CNKSR2: variants seen among roughly 807,000 people sequenced by gnomAD.
CNKSR2 encodes connector enhancer of kinase suppressor of Ras 2, also known as CNK homolog protein 2.
In CNKSR2, 14 loss-of-function variants were observed where a neutral mutation model predicts 84.4. The ratio of observed to expected loss-of-function variants is 0.17; its 90% CI spans 0.11 to 0.26. The LOEUF (loss-of-function observed/expected upper bound fraction) is 0.26, where lower values mean the gene tolerates loss of function less well. Among genes scored for constraint, CNKSR2 ranks in the 10% least tolerant of loss-of-function variants. The pLI is 1.00. For missense variants in CNKSR2, 485 were observed against 771.2 expected (o/e 0.63, Z 4.40); for synonymous variants, 275 against 277.9 (o/e 0.99, Z 0.10).
intron 3 of CNKSR2, among the ~76,000 whole-genome samples, chrX:21,438,397 C>T (rs1018906557): frequency 5.4e-5 from 6 of 110,949 alleles, no homozygotes; most frequent in Non-Finnish European, 5.7e-5. Context: ...AGCACATGAC[C>T]GTATATAGAA....
intron 5 of CNKSR2, among the ~76,000 whole-genome samples, chrX:21,471,590 T>G (rs2091199164): frequency 8.9e-6 from 1 of 112,580 alleles, no homozygotes. Context: ...AAGAATACTA[T>G]TTTGTATTTA....
chrX:21,481,345 ACT>A (rs2091317591), intron 5 of CNKSR2, among the ~76,000 whole-genome samples: 1 of 111,319 alleles, frequency 9.0e-6, no homozygotes, highest in Admixed American at 9.6e-5. Flanking sequence ...ACTATAGCTG[ACT>A]CTGTAGATGA....
At chrX:21,510,393 T>C (rs920923611) in intron 8 of CNKSR2, among the ~76,000 whole-genome samples, 6 of 111,722 alleles carry the variant, frequency 5.4e-5, no homozygotes, top group African/African-American at 1.9e-4. Flanking sequence ...CTTAAATTCT[T>C]ACCTTTATGT....
intron 20 of CNKSR2, among the ~76,000 whole-genome samples, chrX:21,631,765 A>G (rs1166348000): frequency 8.9e-6 from 1 of 112,341 alleles, no homozygotes. Context: ...AAAACTCATA[A>G]TTCTCACATT....
chrX:21,586,774 T>C (rs758550523), intron 13 of CNKSR2, among the ~76,000 whole-genome samples: 3 of 111,434 alleles, frequency 2.7e-5, no homozygotes, highest in African/African-American at 9.8e-5. Flanking sequence ...ACTCTATCGA[T>C]AAGATAAACT....
In CNKSR2 at chrX:21,558,677, T is replaced by G. The variant is rs184979100; in HGVS notation, c.1304-2794T>G. 5.4e-3 allele frequency among the ~76,000 whole-genome samples: 599 copies of G among 111,142 alleles called. 4 individuals carry two copies. The highest frequency in any genetic ancestry group is 0.019 in the African/African-American group (583 of 30,781). On this transcript the variant is annotated intron_variant, in intron 11 of 21. Coordinates refer to ENST00000379510, the MANE Select transcript of CNKSR2 (RefSeq NM_014927.5). ...ACATGCTTCAATGACTTAGCTCCAT[T>G]AAAATTTCAGAGATGACGCAAAATA... is the stretch of plus-strand genomic sequence containing the variant.
intron 5 of CNKSR2, among the ~76,000 whole-genome samples, chrX:21,487,715 G>T (rs12395602): frequency 0.26 from 29,375 of 111,291 alleles, 5,316 homozygotes; most frequent in African/African-American, 0.66. Context: ...GTCAAACATA[G>T]AATTTGAACC....
chrX:21,600,676 G>A (rs778952999), intron 17 of CNKSR2, among the ~76,000 whole-genome samples: 1 of 112,062 alleles, frequency 8.9e-6, no homozygotes, highest in South Asian at 3.7e-4. Flanking sequence ...ACTTACAATT[G>A]CTCATGAAAA....
chrX:21,376,992 G>T (rs2089827271), intron 1 of CNKSR2, among the ~76,000 whole-genome samples: 1 of 112,235 alleles, frequency 8.9e-6, no homozygotes, highest in Non-Finnish European at 1.9e-5. Context: ...CCTAAAATGT[G>T]GCTTCTTTGA....
chrX:21,447,711 GAGT>G (rs760703643), intron 4 of CNKSR2, among the ~76,000 whole-genome samples: 1 of 112,026 alleles, frequency 8.9e-6, no homozygotes, highest in Admixed American at 9.5e-5. Context: ...TTGGAAGCAG[GAGT>G]AGTCCCCATG....
intron 13 of CNKSR2, among the ~76,000 whole-genome samples, chrX:21,569,602 T>A (rs1420807437): frequency 8.9e-6 from 1 of 112,218 alleles, no homozygotes; most frequent in Non-Finnish European, 1.9e-5. Flanking sequence ...CCTCCTCCTG[T>A]GAATCACAAA....
chrX:21,570,802 A>G (rs2092278621), intron 13 of CNKSR2, among the ~76,000 whole-genome samples: 2 of 112,135 alleles, frequency 1.8e-5, no homozygotes, highest in Non-Finnish European at 1.9e-5. Context: ...GTAAAAACAG[A>G]CACAACATTT....
chrX:21,481,260 T>C (rs1007548128), intron 5 of CNKSR2, among the ~76,000 whole-genome samples: 1 of 111,907 alleles, frequency 8.9e-6, no homozygotes, highest in South Asian at 3.7e-4. Context: ...CACAAAAGGA[T>C]TAAACAACTT....
At chrX:21,546,607 A>C (rs1190802250) in intron 11 of CNKSR2, among the ~76,000 whole-genome samples, 1 of 110,875 alleles carries the variant, frequency 9.0e-6, no homozygotes, top group African/African-American at 3.3e-5. Flanking sequence ...AAGAAAAGCA[A>C]CGCCAGGACA....
At chrX:21,624,764 A>G (rs1453630578) in intron 20 of CNKSR2, among the ~76,000 whole-genome samples, 2 of 112,297 alleles carry the variant, frequency 1.8e-5, no homozygotes, top group Non-Finnish European at 3.8e-5. Context: ...GTTTTCTATC[A>G]TGATTGTTCC....
intron 20 of CNKSR2, among the ~76,000 whole-genome samples, chrX:21,624,053 G>A (rs896744554): frequency 9.0e-6 from 1 of 111,426 alleles, no homozygotes; most frequent in Non-Finnish European, 1.9e-5. Context: ...AATGTGTATG[G>A]AAATCCTATG....
At chrX:21,558,915 G>A (rs1036997900) in intron 11 of CNKSR2, among the ~76,000 whole-genome samples, 1 of 111,318 alleles carries the variant, frequency 9.0e-6, no homozygotes, top group Non-Finnish European at 1.9e-5. Flanking sequence ...AACAGTGCTA[G>A]AGCTGTTAAT....
chrX:21,534,295 GAT>G (rs541278682), intron 11 of CNKSR2, among the ~76,000 whole-genome samples: 5 of 108,689 alleles, frequency 4.6e-5, no homozygotes, highest in Admixed American at 3.0e-4. Flanking sequence ...GTAATATTCT[GAT>G]ATATATATAT....
At chrX:21,445,318 G>A (rs1472333197) in intron 4 of CNKSR2, among the ~76,000 whole-genome samples, 1 of 110,694 alleles carries the variant, frequency 9.0e-6, no homozygotes, top group African/African-American at 3.3e-5. Flanking sequence ...TTTATTTTTA[G>A]TTGACACATA....
Sources: gnomAD v4.1 joint callset for allele counts (sites outside exome capture counted in the v4.1 genomes callset) on GRCh38, gnomAD v4.1.1 for gene constraint, MANE v1.5 for transcripts, NCBI Gene and HGNC (gene_info 2026-07-23, HGNC 2026-07-21) for gene names.